GRID1: variants seen among roughly 807,000 people sequenced by gnomAD.
GRID1 encodes the protein glutamate receptor ionotropic, delta-1.
GRID1 carries 28 observed loss-of-function variants against 98.0 expected under a neutral mutation model. The ratio of observed to expected loss-of-function variants is 0.29; its 90% CI spans 0.21 to 0.39. The LOEUF (loss-of-function observed/expected upper bound fraction) is 0.39. Among genes scored for constraint, GRID1 ranks in the 10% least tolerant of loss-of-function variants. The pLI is 1.00. For synonymous variants in GRID1, 553 were observed against 538.5 expected, an observed-to-expected ratio of 1.03 and a Z score of -0.37; for missense variants, 1,111 against 1,340.5, an observed-to-expected ratio of 0.83 and a Z score of 2.67.
intron 2 of GRID1, among the ~76,000 whole-genome samples, chr10:86,363,254 G>A (rs1170370084): frequency 6.6e-6 from 1 of 152,252 alleles, no homozygotes; most frequent in East Asian, 1.9e-4. Context: ...CCCCGGCGTA[G>A]GCCAGGATTT....
At chr10:85,819,040 C>T (rs1193739197) in intron 8 of GRID1, among the ~76,000 whole-genome samples, 1 of 151,932 alleles carries the variant, frequency 6.6e-6, no homozygotes, top group Non-Finnish European at 1.5e-5. Context: ...TTGATTATAA[C>T]TCAAAGATTG....
intron 4 of GRID1, among the ~76,000 whole-genome samples, chr10:86,098,458 G>C (rs1329843217): frequency 1.3e-5 from 2 of 152,104 alleles, no homozygotes; most frequent in Non-Finnish European, 1.5e-5. Flanking sequence ...CCTAACATTG[G>C]CTCCTTAGAT....
At chr10:85,971,113 G>A (rs899903027) in intron 4 of GRID1, among the ~76,000 whole-genome samples, 2 of 151,850 alleles carry the variant, frequency 1.3e-5, no homozygotes, top group African/African-American at 4.8e-5. Flanking sequence ...TCAAATTTAG[G>A]AATAAAAATA....
intron 8 of GRID1, among the ~76,000 whole-genome samples, chr10:85,849,409 A>G (rs1407057061): frequency 6.6e-6 from 1 of 152,230 alleles, no homozygotes; most frequent in African/African-American, 2.4e-5. Flanking sequence ...CAGAGAAGTT[A>G]GAAGAAGCGT....
At chr10:85,743,680 G>C (rs1260288343) in intron 8 of GRID1, among the ~76,000 whole-genome samples, 1 of 152,070 alleles carries the variant, frequency 6.6e-6, no homozygotes, top group Non-Finnish European at 1.5e-5. Context: ...AGTAATTGTG[G>C]TTTCTGCCAT....
chr10:86,113,831 C>T (rs893467860), intron 4 of GRID1, among the ~76,000 whole-genome samples: 2 of 152,160 alleles, frequency 1.3e-5, no homozygotes, highest in African/African-American at 2.4e-5. Flanking sequence ...GTAAAATTGC[C>T]GTGTAGCCCA....
intron 4 of GRID1, among the ~76,000 whole-genome samples, chr10:85,943,208 AT>A (rs1307142065): frequency 6.6e-6 from 1 of 152,200 alleles, no homozygotes; most frequent in Non-Finnish European, 1.5e-5. Flanking sequence ...CTACCAAAAA[AT>A]TATATATGGG....
chr10:86,281,332 A>G (rs898117674), intron 2 of GRID1, among the ~76,000 whole-genome samples: 1 of 152,236 alleles, frequency 6.6e-6, no homozygotes, highest in African/African-American at 2.4e-5. Context: ...TGAGGTGCAC[A>G]GCAGAGCTGC....
Position 85,703,457 on chromosome 10 carries a change from T to C in GRID1, c.1997+19546A>G, listed in dbSNP as rs181700103. Among the ~76,000 whole-genome samples, 361 of 151,984 alleles carry C rather than the reference T, an allele frequency of 2.4e-3. 3 individuals are homozygous for C. Among genetic ancestry groups the C allele is most frequent in the Middle Eastern group, 3.4e-3 (1 of 294 alleles). ...TATATCTTAGAGACGCCATATAGGA[T>C]GTTAAGAAGAAAAAAGGAAACATAG... On this transcript the variant is annotated intron_variant, in intron 12 of 15. Coordinates refer to ENST00000327946, the MANE Select transcript of GRID1 (RefSeq NM_017551.3).
Position 85,613,548 on chromosome 10 carries a change from C to A in GRID1, c.2460G>T (p.Gln820His), listed in dbSNP as rs1167306192. 6.2e-7 allele frequency: 1 copy of A among 1,614,228 alleles called. No homozygotes were observed. Among genetic ancestry groups the A allele is most frequent in the Non-Finnish European group, 8.5e-7 (1 of 1,180,052 alleles). Residue 820 changes from glutamine to histidine, a missense_variant, in exon 15 of 16, where the codon CAG becomes CAT. Transcript: ENST00000327946. ...GCAGCTTGAGGGATTTGCCGTCGGCCTGGGCGCTGGCATGGCTGGTGAGGT... is the reference window on the plus strand; with the variant it reads ...GCAGCTTGAGGGATTTGCCGTCGGCATGGGCGCTGGCATGGCTGGTGAGGT... Reference protein sequence around the residue: ...RCDLTSHASAQADGKSLKLHS... With the variant: ...RCDLTSHASAHADGKSLKLHS...
At chr10:86,101,326 T>C (rs921667217) in intron 4 of GRID1, among the ~76,000 whole-genome samples, 1 of 152,240 alleles carries the variant, frequency 6.6e-6, no homozygotes, top group Non-Finnish European at 1.5e-5. Context: ...TTTGAATGTA[T>C]AATCTTATGA....
At chr10:85,957,145 C>T (rs889383502) in intron 4 of GRID1, among the ~76,000 whole-genome samples, 3 of 152,282 alleles carry the variant, frequency 2.0e-5, no homozygotes, top group African/African-American at 7.2e-5. Flanking sequence ...TCACCTCCCA[C>T]GAGGTCCCTC....
chr10:86,016,450 A>G (rs1842982148), intron 4 of GRID1, among the ~76,000 whole-genome samples: 1 of 152,100 alleles, frequency 6.6e-6, no homozygotes, highest in South Asian at 2.1e-4. Flanking sequence ...CTAAGGAATC[A>G]AGTGAAGCAA....
chr10:85,792,995 A>G (rs1423577714), intron 8 of GRID1, among the ~76,000 whole-genome samples: 1 of 152,144 alleles, frequency 6.6e-6, no homozygotes, highest in Non-Finnish European at 1.5e-5. Flanking sequence ...GGGCTCTGCC[A>G]CACCCTTGTC....
At chr10:85,677,360 T>C (rs867061840) in intron 12 of GRID1, among the ~76,000 whole-genome samples, 3 of 152,182 alleles carry the variant, frequency 2.0e-5, no homozygotes, top group African/African-American at 7.2e-5. Flanking sequence ...GCATGAGGCA[T>C]CCTTGTGATT....
rs1012227946 is a variant in GRID1, at chr10:86,188,410, A to T, written c.520+17954T>A. Among the ~76,000 whole-genome samples, 8 of 152,198 alleles carry T rather than the reference A, an allele frequency of 5.3e-5. No individual in the cohort carries two copies. In the South Asian group the frequency reaches 1.7e-3, roughly 32 times the overall value. On this transcript the variant is annotated intron_variant, in intron 3 of 15. Transcript: ENST00000327946. ...AAAATGGGAGCTGCAGCCCACCAGG[A>T]GAGCAGCCCTTGCTAGGCCTGTCCT...
chr10:85,738,643 A>G (rs186837161), intron 8 of GRID1, among the ~76,000 whole-genome samples: 8 of 152,378 alleles, frequency 5.3e-5, no homozygotes, highest in Non-Finnish European at 2.9e-5. Context: ...AGATATTTAC[A>G]CAACAGAGTA....
chr10:85,694,601 T>C (rs986329433), intron 12 of GRID1, among the ~76,000 whole-genome samples: 1 of 102,660 alleles, frequency 9.7e-6, no homozygotes, highest in African/African-American at 3.7e-5. Flanking sequence ...TATATATATA[T>C]AATGGAATAT....
chr10:85,882,979 A>C (rs542758281), intron 5 of GRID1, among the ~76,000 whole-genome samples: 1 of 152,224 alleles, frequency 6.6e-6, no homozygotes, highest in African/African-American at 2.4e-5. Flanking sequence ...TCTTTCAATA[A>C]TTCTAGAAAT....
Sources: allele counts gnomAD v4.1 joint callset (sites outside exome capture counted in the v4.1 genomes callset), GRCh38; gene constraint gnomAD v4.1.1; transcripts MANE v1.5; gene names NCBI Gene and HGNC (gene_info 2026-07-23, HGNC 2026-07-21).